CDK19: variants seen among roughly 807,000 people sequenced by gnomAD.
The protein encoded by CDK19 is cyclin dependent kinase 19, also known as cyclin-dependent kinase 19.
A neutral mutation model predicts 68.3 loss-of-function variants in CDK19; 20 were observed. The ratio of observed to expected loss-of-function variants is 0.29; its 90% confidence interval spans 0.21 to 0.43. The LOEUF (loss-of-function observed/expected upper bound fraction) is 0.43. Ranked by LOEUF, CDK19 falls within the 20% of genes least tolerant of loss-of-function variation. The pLI is 1.00. For synonymous variants in CDK19, 221 were observed against 222.8 expected (o/e 0.99, Z 0.07); for missense variants, 339 against 623.5 (o/e 0.54, Z 4.86).
At chr6:110,785,469 C>T (rs867206583) in intron 1 of CDK19, among the ~76,000 whole-genome samples, 17 of 152,062 alleles carry the variant, frequency 1.1e-4, no homozygotes, top group African/African-American at 4.1e-4. Flanking sequence ...AAGTAAGCTA[C>T]AGAAAAGAAA....
chr6:110,814,924 G>C (rs558893315), intron 1 of CDK19, 85 bp downstream of exon 1: 34 of 1,568,622 alleles, frequency 2.2e-5, no homozygotes, highest in South Asian at 1.9e-4. Flanking sequence ...GGCACGGCCC[G>C]ACTGGGATCC....
intron 1 of CDK19, among the ~76,000 whole-genome samples, chr6:110,755,816 A>G (rs1211775540): frequency 6.6e-6 from 1 of 152,196 alleles, no homozygotes; most frequent in African/African-American, 2.4e-5. Flanking sequence ...CTCAGTAAGC[A>G]GATAGTATGC....
chr6:110,740,113 G>T (rs1465658017), intron 2 of CDK19, among the ~76,000 whole-genome samples: 1 of 28,044 alleles, frequency 3.6e-5, no homozygotes, highest in Non-Finnish European at 8.8e-5. Flanking sequence ...AAGTCTAGAA[G>T]AATATACAAA....
intron 1 of CDK19, among the ~76,000 whole-genome samples, chr6:110,773,343 C>CAAA (rs1038366551): frequency 1.2e-5 from 1 of 86,134 alleles, no homozygotes; most frequent in Admixed American, 1.3e-4. Context: ...GACTCTGTCT[C>CAAA]AAAAAAAAAA....
chr6:110,760,434 T>G (rs1404375832), intron 1 of CDK19, among the ~76,000 whole-genome samples: 2 of 145,622 alleles, frequency 1.4e-5, no homozygotes, highest in African/African-American at 2.5e-5. Context: ...CTCAACTATA[T>G]TAACTCTTTT....
At chr6:110,668,197 G>A (rs753416501) in intron 3 of CDK19, among the ~76,000 whole-genome samples, 23 of 152,052 alleles carry the variant, frequency 1.5e-4, no homozygotes, top group Non-Finnish European at 2.8e-4. Context: ...TACTGAAAGG[G>A]AAAAAATGCT....
At chr6:110,625,064 G>T (rs573709356) in intron 8 of CDK19, among the ~76,000 whole-genome samples, 1 of 152,294 alleles carries the variant, frequency 6.6e-6, no homozygotes, top group South Asian at 2.1e-4. Flanking sequence ...ACTTCCACAG[G>T]ATAAATTCCA....
chr6:110,663,223 C>T lies in CDK19; in HGVS notation c.456+4211G>A, dbSNP rs140080040. 1.1e-3 allele frequency among the ~76,000 whole-genome samples: 170 copies of T among 152,246 alleles called. 1 individual carries two copies. Among genetic ancestry groups the T allele is most frequent in the African/African-American group, 4.0e-3 (168 of 41,548 alleles). On this transcript the variant is annotated intron_variant, in intron 4 of 12. Coordinates refer to ENST00000368911, the MANE Select transcript of CDK19 (RefSeq NM_015076.5). ...AAATAGTGTCAAGCCAAATTTCTTA[C>T]AGCAATAGAAAATGAAGCATTAAGA...
rs748816867 is a variant in CDK19 at position 110,718,655 on chromosome 6, AAC to A, written c.204+27469_204+27470del. 5.9e-3 allele frequency among the ~76,000 whole-genome samples: 774 copies of A among 131,318 alleles called. 3 individuals carry two copies. Among genetic ancestry groups the A allele is most frequent in the Non-Finnish European group, 9.0e-3 (537 of 59,606 alleles). 86.1% of individuals were successfully genotyped at this position (131,318 alleles called of 152,430 possible). A position where few individuals can be genotyped will look rare whatever the true frequency, so the allele number is the denominator to read the frequency against. The stretch of plus-strand genomic sequence containing the variant: ...TCAAAGTCCAAAAAAAAAAAAAAAA[AAC>A]CCTTCTAATTCTTTATCAAGCTAAA... On this transcript the variant is annotated intron_variant, in intron 2 of 12. Coordinates refer to ENST00000368911, the MANE Select transcript of CDK19 (RefSeq NM_015076.5).
In CDK19 at chr6:110,805,363, G is replaced by A. The variant is rs898079500; in HGVS notation, c.128+9646C>T. On this transcript the variant is annotated intron_variant, in intron 1 of 12. Coordinates refer to ENST00000368911, the MANE Select transcript of CDK19 (RefSeq NM_015076.5). ...AGTTGATCTTTAAAAAAACACATTA[G>A]TTTTTAAACATCCAAATACTCTAAT... 6.6e-5 allele frequency among the ~76,000 whole-genome samples: 10 copies of A among 152,050 alleles called. No homozygotes were observed. In the East Asian group the frequency reaches 1.9e-3, roughly 29 times the overall value.
chr6:110,621,850 T>A lies in CDK19; in HGVS notation c.1110+238A>T, dbSNP rs1175820476. On this transcript the variant is annotated intron_variant, in intron 11 of 12. Transcript: ENST00000368911. The surrounding 1 kb of genome is among the most constrained non-coding windows in gnomAD (Gnocchi z 5.4). ...AAACAGAAAGAGCAAGAAGTGGGAA[T>A]CCGGGAGTAGAACTGGCTGTAACAC... is the stretch of plus-strand genomic sequence containing the variant. Among the ~76,000 whole-genome samples the A allele has an allele frequency of 1.3e-5, 2 of 152,080 alleles. No individual in the cohort carries two copies. Among genetic ancestry groups the A allele is most frequent in the Non-Finnish European group, 2.9e-5 (2 of 68,022 alleles).
intron 2 of CDK19, among the ~76,000 whole-genome samples, chr6:110,679,573 T>C (rs989534356): frequency 1.3e-5 from 2 of 151,982 alleles, no homozygotes; most frequent in Non-Finnish European, 2.9e-5. Context: ...GATCACACCA[T>C]TGCACTCCAG....
intron 1 of CDK19, among the ~76,000 whole-genome samples, chr6:110,764,550 T>C (rs752892689): frequency 2.6e-5 from 4 of 152,190 alleles, no homozygotes; most frequent in African/African-American, 4.8e-5. Context: ...ACTGGACAAC[T>C]GGACGTGCAT....
At chr6:110,676,303 G>GA (rs59713766) in intron 2 of CDK19, among the ~76,000 whole-genome samples, 2,919 of 152,252 alleles carry the variant, frequency 0.019, 98 homozygotes, top group African/African-American at 0.067. Context: ...GATGGGCAAA[G>GA]AAAGTGATTT....
chr6:110,751,605 C>G (rs926825523), intron 1 of CDK19, among the ~76,000 whole-genome samples: 2 of 152,152 alleles, frequency 1.3e-5, no homozygotes, highest in Non-Finnish European at 2.9e-5. Flanking sequence ...CTGAAACCAT[C>G]CCCACCCTGC....
chr6:110,614,263 A>G lies in CDK19; in HGVS notation c.*272T>C, dbSNP rs1188432529. On this transcript the variant is annotated 3_prime_UTR_variant, in exon 13 of 13. Transcript: ENST00000368911. ...CCTTCAAAGAAATGCTGAAGGTTAC[A>G]GAAGTGCTGGGATTAGATCAGACGC... 3 of 298,420 alleles carry G rather than the reference A, an allele frequency of 1.0e-5. No homozygotes were observed. In the East Asian group the frequency reaches 1.6e-4, roughly 16 times the overall value. The allele number at this position is 298,420 out of a possible 1,614,324, so 18.5% of individuals were successfully genotyped here.
chr6:110,782,860 A>C (rs1780920032), intron 1 of CDK19, among the ~76,000 whole-genome samples: 1 of 152,144 alleles, frequency 6.6e-6, no homozygotes, highest in Admixed American at 6.6e-5. Context: ...AGACATCCTG[A>C]ATGACTTGCT....
At chr6:110,729,736 T>G (rs935170271) in intron 2 of CDK19, among the ~76,000 whole-genome samples, 3 of 151,818 alleles carry the variant, frequency 2.0e-5, no homozygotes, top group African/African-American at 7.2e-5. Context: ...ACGCCTAGAC[T>G]TTATTTTTAT....
At chr6:110,617,630 T>A (rs184047238) in intron 12 of CDK19, among the ~76,000 whole-genome samples, 56 of 139,248 alleles carry the variant, frequency 4.0e-4, no homozygotes, top group Admixed American at 2.6e-3. Flanking sequence ...CTTAAAAAAA[T>A]AATAATAATA....
Sources: gnomAD v4.1 joint callset for allele counts (sites outside exome capture counted in the v4.1 genomes callset) on GRCh38, gnomAD v4.1.1 for gene constraint, Gnocchi (gnomAD v3.1) non-coding constraint, MANE v1.5 for transcripts, NCBI Gene and HGNC (gene_info 2026-07-23, HGNC 2026-07-21) for gene names.